CCDC171: variants seen among roughly 807,000 people sequenced by gnomAD.
The protein encoded by CCDC171 is coiled-coil domain containing 171, also known as coiled-coil domain-containing protein 171.
CCDC171 carries 177 observed loss-of-function variants against 168.2 expected under a neutral mutation model. The ratio of observed to expected loss-of-function variants is 1.05; its 90% CI spans 0.93 to 1.19. The LOEUF (loss-of-function observed/expected upper bound fraction) is 1.19, where lower values mean the gene tolerates loss of function less well. CCDC171 is among the 50% of genes most tolerant of loss of function. The pLI is 0.00. For synonymous variants in CCDC171, 687 were observed against 540.8 expected (o/e 1.27, Z -3.75); for missense variants, 1,991 against 1,539.0 (o/e 1.29, Z -4.91).
At chr9:15,559,246 G>A (rs2039070510) in intron 1 of CCDC171, among the ~76,000 whole-genome samples, 1 of 145,126 alleles carries the variant, frequency 6.9e-6, no homozygotes, top group African/African-American at 2.9e-5. Flanking sequence ...ATGTCTGTTA[G>A]GTCTGCTTGG....
chr9:16,052,508 G>C (rs950236883), intron 1 of CCDC171, among the ~76,000 whole-genome samples: 4 of 152,150 alleles, frequency 2.6e-5, no homozygotes, highest in Admixed American at 2.6e-4. Flanking sequence ...CACTGGAAAT[G>C]AGGAAACTGA....
chr9:15,860,040 C>T (rs574596165), intron 23 of CCDC171, among the ~76,000 whole-genome samples: 9 of 151,216 alleles, frequency 6.0e-5, no homozygotes, highest in South Asian at 2.1e-4. Flanking sequence ...AGAATTTATC[C>T]GTTTCTTCTA....
Position 15,571,754 on chromosome 9 carries a change from G to A in CCDC171, c.172G>A (p.Ala58Thr). ...EKLEITTKHN[A>T]ELASYESQIA... Reference sequence around the variant, plus strand: ...GTTAGAAATAACAACCAAACACAATGCAGAGGTACGATTTATTTTCCTCTC... The same window carrying A: ...GTTAGAAATAACAACCAAACACAATACAGAGGTACGATTTATTTTCCTCTC... The change falls in exon 3 of 26, where the codon GCA (alanine) becomes ACA (threonine). Residue 58 changes from alanine (A) to threonine (T), a missense_variant. By Grantham distance (58) the Ala-to-Thr change is moderately conservative (BLOSUM62 0). Transcript: ENST00000380701. The A allele has an allele frequency of 1.3e-6, 2 of 1,572,122 alleles. No homozygotes were observed. Among genetic ancestry groups the A allele is most frequent in the East Asian group, 2.3e-5 (1 of 42,818 alleles).
chr9:15,663,167 A>G (rs1275125027), intron 8 of CCDC171, among the ~76,000 whole-genome samples: 1 of 152,184 alleles, frequency 6.6e-6, no homozygotes, highest in Non-Finnish European at 1.5e-5. Context: ...AATTTTGTAG[A>G]TCTGGGATTC....
chr9:15,961,217 T>C (rs915254486), intron 25 of CCDC171, among the ~76,000 whole-genome samples: 2 of 152,184 alleles, frequency 1.3e-5, no homozygotes, highest in Admixed American at 6.5e-5. Flanking sequence ...GAAAAACATA[T>C]TGCTACGAGG....
chr9:15,714,801 G>A (rs1402094617), intron 11 of CCDC171, among the ~76,000 whole-genome samples: 1 of 152,164 alleles, frequency 6.6e-6, no homozygotes, highest in Non-Finnish European at 1.5e-5. Flanking sequence ...AGTCCTGCTT[G>A]TGGTAATCAG....
chr9:15,722,126 T>G (rs926500764), intron 12 of CCDC171, among the ~76,000 whole-genome samples: 2 of 152,204 alleles, frequency 1.3e-5, no homozygotes, highest in African/African-American at 4.8e-5. Flanking sequence ...CTTCTTGATC[T>G]TCATAATTTA....
At chr9:15,797,194 G>C (rs1487660059) in intron 21 of CCDC171, among the ~76,000 whole-genome samples, 1 of 152,010 alleles carries the variant, frequency 6.6e-6, no homozygotes, top group Non-Finnish European at 1.5e-5. Context: ...TAAAATATCT[G>C]TTCAAACCAT....
At position 15,823,271 on chromosome 9, in the gene CCDC171, G is replaced by A. The variant is rs527418160; in HGVS notation, c.3268-23431G>A. ...GCACACCAACATGGCACATGTATAC[G>A]TATGTAACAAACCTTCACGTTGTGC... is the stretch of plus-strand genomic sequence containing the variant. On this transcript the variant is annotated intron_variant, in intron 21 of 25. Transcript: ENST00000380701. 4.4e-4 allele frequency among the ~76,000 whole-genome samples: 67 copies of A among 151,830 alleles called. 1 individual carries two copies. The highest frequency in any genetic ancestry group is 8.2e-4 in the Non-Finnish European group (56 of 67,892).
At chr9:15,956,779 A>G (rs1829837933) in intron 25 of CCDC171, among the ~76,000 whole-genome samples, 1 of 152,172 alleles carries the variant, frequency 6.6e-6, no homozygotes, top group Admixed American at 6.6e-5. Flanking sequence ...TTTGTCCATA[A>G]GTGCATGTTT....
intron 1 of CCDC171, among the ~76,000 whole-genome samples, chr9:16,057,676 C>T (rs541029868): frequency 3.7e-4 from 57 of 152,306 alleles, no homozygotes; most frequent in Middle Eastern, 3.4e-3. Flanking sequence ...AGCCCCCTCC[C>T]GCTTCCCTCC....
intron 25 of CCDC171, among the ~76,000 whole-genome samples, chr9:15,936,422 AAC>A (rs1827126227): frequency 1.3e-5 from 2 of 152,094 alleles, no homozygotes; most frequent in South Asian, 2.1e-4. Context: ...TTACAATCAG[AAC>A]ACACAGAGAG....
Position 15,721,810 on chromosome 9 carries a change from G to GTCC in CCDC171, c.1362_1364dup (p.Leu455dup), listed in dbSNP as rs1564283960. On this transcript the variant is annotated inframe_insertion, in exon 12 of 26. Coordinates refer to ENST00000380701, the MANE Select transcript of CCDC171 (RefSeq NM_173550.4). ...AGATAAACCTCCCAGCTTCTCTGTTGTCCTTGAGAGATTGAGGCGTACCTT... is the reference window on the plus strand; with the variant it reads ...AGATAAACCTCCCAGCTTCTCTGTTGTCCTCCTTGAGAGATTGAGGCGTACCTT... 6.4e-7 allele frequency: 1 copy of GTCC among 1,568,272 alleles called. No individual in the cohort carries two copies. Among genetic ancestry groups the GTCC allele is most frequent in the Admixed American group, 1.8e-5 (1 of 54,740 alleles).
intron 23 of CCDC171, among the ~76,000 whole-genome samples, chr9:15,861,661 C>T (rs947401467): frequency 1.3e-5 from 2 of 149,594 alleles, no homozygotes; most frequent in African/African-American, 2.5e-5. Context: ...CACATTTTGT[C>T]GTTGATGTCA....
intron 3 of CCDC171, among the ~76,000 whole-genome samples, chr9:15,997,680 C>T (rs980168673): frequency 1.3e-5 from 2 of 152,166 alleles, no homozygotes; most frequent in African/African-American, 4.8e-5. Flanking sequence ...TTCCCTTGCC[C>T]TCAGCTGTCA....
intron 3 of CCDC171, among the ~76,000 whole-genome samples, chr9:16,016,678 T>C (rs1833030078): frequency 1.3e-5 from 2 of 152,194 alleles, no homozygotes; most frequent in African/African-American, 4.8e-5. Flanking sequence ...TCTGTTGGAT[T>C]TCCCTAATAC....
At chr9:15,723,775 G>T in intron 13 of CCDC171, 29 bp downstream of exon 13, 1 of 1,120,230 alleles carries the variant, frequency 8.9e-7, no homozygotes, top group Non-Finnish European at 1.3e-6. Flanking sequence ...TTTACCTTTT[G>T]TATTAAGAAA....
intron 6 of CCDC171, among the ~76,000 whole-genome samples, chr9:15,606,803 A>C (rs2043261490): frequency 6.6e-6 from 1 of 152,188 alleles, no homozygotes; most frequent in South Asian, 2.1e-4. Context: ...TCAGTTCAAA[A>C]ACAAGCCTCA....
At chr9:15,888,924 A>G (rs1434233852) in intron 24 of CCDC171, 1 of 131,400 alleles carries the variant, frequency 7.6e-6, no homozygotes, top group Non-Finnish European at 1.6e-5. Flanking sequence ...TATTTAATAT[A>G]TGGTATATGC....
Sources: gnomAD v4.1 joint callset for allele counts (sites outside exome capture counted in the v4.1 genomes callset) on GRCh38, gnomAD v4.1.1 for gene constraint, MANE v1.5 for transcripts, NCBI Gene and HGNC (gene_info 2026-07-23, HGNC 2026-07-21) for gene names.